SBF2: variants seen among roughly 807,000 people sequenced by gnomAD.
SBF2 encodes the protein SET binding factor 2.
Under a neutral mutation model 225.2 loss-of-function variants are expected in SBF2, and 112 were observed. The ratio of observed to expected loss-of-function variants is 0.50; its 90% confidence interval spans 0.43 to 0.58. The LOEUF (loss-of-function observed/expected upper bound fraction) is 0.58, where lower values mean the gene tolerates loss of function less well. SBF2 is among the 20% of genes least tolerant of loss of function. The pLI is 0.00. For missense variants in SBF2, 1,996 were observed against 2,206.2 expected (o/e 0.90, Z 1.91); for synonymous variants, 763 against 773.3 (o/e 0.99, Z 0.22).
intron 27 of SBF2, among the ~76,000 whole-genome samples, chr11:9,829,828 G>T (rs1855282122): frequency 6.6e-6 from 1 of 152,182 alleles, no homozygotes; most frequent in Admixed American, 6.5e-5. Flanking sequence ...CATTATCCAA[G>T]CAACTCAAAA....
At chr11:10,094,527 G>GTTTTTTTTTTTTTTTT (rs1565222159) in intron 2 of SBF2, among the ~76,000 whole-genome samples, 1 of 71,634 alleles carries the variant, frequency 1.4e-5, no homozygotes. Flanking sequence ...AATACACACA[G>GTTTTTTTTTTTTTTTT]ATTTTTTTTT....
chr11:9,976,543 A>G (rs1444257510), intron 13 of SBF2, among the ~76,000 whole-genome samples: 14 of 152,048 alleles, frequency 9.2e-5, no homozygotes, highest in Admixed American at 9.2e-4. Context: ...GCTGTAGTGC[A>G]TTATGTTTAT....
intron 16 of SBF2, among the ~76,000 whole-genome samples, chr11:9,929,464 A>G (rs1031213706): frequency 6.6e-6 from 1 of 152,140 alleles, no homozygotes; most frequent in African/African-American, 2.4e-5. Context: ...GCAACCAAAA[A>G]AGGTCATGGT....
At chr11:10,183,273 GTCC>G (rs1192590519) in intron 2 of SBF2, among the ~76,000 whole-genome samples, 3 of 152,044 alleles carry the variant, frequency 2.0e-5, no homozygotes, top group African/African-American at 7.2e-5. Context: ...TTCTTCCAGC[GTCC>G]TCCTCCTTTC....
At chr11:9,908,300 C>T (rs1862267335) in intron 16 of SBF2, among the ~76,000 whole-genome samples, 1 of 152,010 alleles carries the variant, frequency 6.6e-6, no homozygotes. Flanking sequence ...TAAAATATAC[C>T]TAACAGGAGT....
intron 2 of SBF2, among the ~76,000 whole-genome samples, chr11:10,131,338 T>C (rs1176542477): frequency 6.6e-6 from 1 of 152,084 alleles, no homozygotes; most frequent in African/African-American, 2.4e-5. Context: ...TAGATCCTCC[T>C]ACCCTAAATC....
chr11:10,299,155 G>C (rs1446279944), upstream of SBF2, among the ~76,000 whole-genome samples: 1 of 151,964 alleles, frequency 6.6e-6, no homozygotes, highest in Non-Finnish European at 1.5e-5. Flanking sequence ...TGGCTAACAC[G>C]GTGAAACCCT....
chr11:10,291,605 G>T (rs1165383602), intron 1 of SBF2, among the ~76,000 whole-genome samples: 1 of 151,842 alleles, frequency 6.6e-6, no homozygotes, highest in African/African-American at 2.4e-5. Flanking sequence ...AGGTGGGCTA[G>T]TGACTTTTTC....
intron 1 of SBF2, among the ~76,000 whole-genome samples, chr11:10,258,918 G>T (rs1961160818): frequency 6.6e-6 from 1 of 152,136 alleles, no homozygotes; most frequent in Non-Finnish European, 1.5e-5. Context: ...ATAAGCAAAG[G>T]AACAGAGCAA....
chr11:10,065,958 C>G (rs1220719000), intron 2 of SBF2, among the ~76,000 whole-genome samples: 1 of 151,986 alleles, frequency 6.6e-6, no homozygotes, highest in African/African-American at 2.4e-5. Context: ...AAACAACAAA[C>G]AAACAAACAA....
intron 1 of SBF2, among the ~76,000 whole-genome samples, chr11:10,290,425 G>A (rs138864342): frequency 1.3e-5 from 2 of 152,094 alleles, no homozygotes; most frequent in African/African-American, 2.4e-5. Context: ...AGTGGGGTAC[G>A]AAGTGTGTCC....
intron 2 of SBF2, among the ~76,000 whole-genome samples, chr11:10,114,852 T>C (rs145758222): frequency 1.3e-5 from 2 of 152,212 alleles, no homozygotes; most frequent in East Asian, 1.9e-4. Flanking sequence ...TTCTACATGA[T>C]GGTTTGTTTT....
At chr11:10,228,349 C>T (rs1409849802) in intron 1 of SBF2, among the ~76,000 whole-genome samples, 1 of 152,150 alleles carries the variant, frequency 6.6e-6, no homozygotes, top group Non-Finnish European at 1.5e-5. Context: ...CCAGAACTTC[C>T]AACACTATGT....
chr11:10,208,503 C>T (rs1328820985), intron 1 of SBF2, among the ~76,000 whole-genome samples: 1 of 151,728 alleles, frequency 6.6e-6, no homozygotes, highest in Non-Finnish European at 1.5e-5. Context: ...GACATGATTA[C>T]AGAATTCTGA....
At chr11:9,795,328 G>T (rs116851354) in intron 33 of SBF2, among the ~76,000 whole-genome samples, 24 of 152,298 alleles carry the variant, frequency 1.6e-4, no homozygotes, top group Non-Finnish European at 2.8e-4. Flanking sequence ...TGATCATCAT[G>T]GCCCTGACAG....
chr11:10,136,703 A>G (rs1954372102), intron 2 of SBF2, among the ~76,000 whole-genome samples: 1 of 152,354 alleles, frequency 6.6e-6, no homozygotes, highest in East Asian at 1.9e-4. Flanking sequence ...ATTAATGTCA[A>G]AAACTGAGTT....
At chr11:10,087,320 A>G (rs1030001512) in intron 2 of SBF2, among the ~76,000 whole-genome samples, 2 of 152,236 alleles carry the variant, frequency 1.3e-5, no homozygotes, top group African/African-American at 4.8e-5. Flanking sequence ...CCGTTGCAGT[A>G]GAACATTGTG....
chr11:10,036,734 T>C (rs565236989), intron 3 of SBF2, among the ~76,000 whole-genome samples: 1 of 152,330 alleles, frequency 6.6e-6, no homozygotes, highest in South Asian at 2.1e-4. Context: ...CCTATACTCT[T>C]ATATGTAACC....
intron 2 of SBF2, among the ~76,000 whole-genome samples, chr11:10,150,612 T>C (rs1955130828): frequency 6.6e-6 from 1 of 152,188 alleles, no homozygotes; most frequent in South Asian, 2.1e-4. Context: ...CAATATTTTA[T>C]TGACTAGAAA....
Sources: gnomAD v4.1 joint callset for allele counts (sites outside exome capture counted in the v4.1 genomes callset) on GRCh38, gnomAD v4.1.1 for gene constraint, MANE v1.5 for transcripts, NCBI Gene and HGNC (gene_info 2026-07-23, HGNC 2026-07-21) for gene names.